Variants in MAN1A2 observed in about 807,000 individuals in gnomAD.
The protein encoded by MAN1A2 is mannosidase alpha class 1A member 2.
In MAN1A2, 26 loss-of-function variants were observed where a neutral mutation model predicts 75.7. The observed-to-expected ratio is 0.34, with a 90% CI of 0.25 to 0.48. The LOEUF is 0.48. Among genes scored for constraint, MAN1A2 ranks in the 20% least tolerant of loss-of-function variants. MAN1A2 has a pLI of 0.99. For missense variants in MAN1A2, 562 were observed against 775.5 expected, an observed-to-expected ratio of 0.72 and a Z score of 3.27; for synonymous variants, 247 against 264.6, an observed-to-expected ratio of 0.93 and a Z score of 0.65.
chr1:117,391,239 T>G (rs1653709018), intron 1 of MAN1A2, among the ~76,000 whole-genome samples: 1 of 152,196 alleles, frequency 6.6e-6, no homozygotes, highest in Non-Finnish European at 1.5e-5. Context: ...TATTGGTACA[T>G]GTTCCGTTTG....
intron 1 of MAN1A2, among the ~76,000 whole-genome samples, chr1:117,372,428 T>C (rs2101714175): frequency 6.6e-6 from 1 of 152,358 alleles, no homozygotes; most frequent in East Asian, 1.9e-4. Flanking sequence ...AAATACATAC[T>C]ATATTTAATT....
intron 10 of MAN1A2, 82 bp from the exon 11 acceptor site, chr1:117,499,300 G>C: frequency 1.0e-6 from 1 of 991,088 alleles, no homozygotes; most frequent in Non-Finnish European, 1.4e-6. Flanking sequence ...TTCATATTCT[G>C]TTCTTTCAGG....
At chr1:117,445,866 GTGTGTGTC>G (rs1160985553) in intron 6 of MAN1A2, among the ~76,000 whole-genome samples, 233 of 119,948 alleles carry the variant, frequency 1.9e-3, no homozygotes, top group Non-Finnish European at 2.3e-3. Context: ...GTGTATGTGT[GTGTGTGTC>G]TGTGTGTGTG....
At chr1:117,428,534 A>G (rs1458917666) in intron 5 of MAN1A2, among the ~76,000 whole-genome samples, 1 of 152,216 alleles carries the variant, frequency 6.6e-6, no homozygotes, top group Non-Finnish European at 1.5e-5. Flanking sequence ...AGTAATATCA[A>G]TAATGCCATT....
chr1:117,383,687 T>G, intron 1 of MAN1A2, among the ~76,000 whole-genome samples: 1 of 152,168 alleles, frequency 6.6e-6, no homozygotes, highest in Admixed American at 6.5e-5. Flanking sequence ...TTCAAGAATT[T>G]GTCCACTTCA....
At chr1:117,482,628 T>C (rs1650537017) in intron 8 of MAN1A2, among the ~76,000 whole-genome samples, 1 of 152,142 alleles carries the variant, frequency 6.6e-6, no homozygotes, top group Non-Finnish European at 1.5e-5. Flanking sequence ...TATTTGTAGA[T>C]TCTGGATATT....
intron 6 of MAN1A2, among the ~76,000 whole-genome samples, chr1:117,448,358 GA>G (rs1373069887): frequency 6.6e-6 from 1 of 152,122 alleles, no homozygotes; most frequent in East Asian, 1.9e-4. Context: ...AGAAGCAGCA[GA>G]AAAATGTAGC....
At chr1:117,371,089 T>C (rs1248908376) in intron 1 of MAN1A2, among the ~76,000 whole-genome samples, 1 of 152,242 alleles carries the variant, frequency 6.6e-6, no homozygotes, top group African/African-American at 2.4e-5. Context: ...GCACTCAACA[T>C]AGTTCCTGGC....
chr1:117,476,131 T>C (rs186367320), intron 8 of MAN1A2, among the ~76,000 whole-genome samples: 44 of 152,342 alleles, frequency 2.9e-4, no homozygotes, highest in Non-Finnish European at 5.3e-4. Flanking sequence ...ATGAGCTTTT[T>C]TTCATATGTT....
intron 12 of MAN1A2, among the ~76,000 whole-genome samples, chr1:117,511,972 G>A (rs542961890): frequency 1.3e-5 from 2 of 151,968 alleles, no homozygotes; most frequent in Non-Finnish European, 2.9e-5. Context: ...GCTGAATAAA[G>A]GATTGAATCA....
At chr1:117,430,262 AC>A (rs1342192463) in intron 5 of MAN1A2, among the ~76,000 whole-genome samples, 1 of 112,594 alleles carries the variant, frequency 8.9e-6, no homozygotes, top group African/African-American at 3.7e-5. Context: ...GGGGGGCTGA[AC>A]CCCCCACCTC....
rs370601876 is a variant in MAN1A2 at position 117,460,583 on chromosome 1, T to C, written c.1045T>C (p.Leu349=). 71 of 1,609,940 alleles carry C rather than the reference T, an allele frequency of 4.4e-5. No individual in the cohort carries two copies. Among genetic ancestry groups the C allele is most frequent in the Non-Finnish European group, 5.0e-5 (59 of 1,178,534 alleles). ...LHMEFIHLSY[L]TGDLTYYKKV... ...TATGGAGTTCATCCACCTCAGCTAC[T>C]TGACAGGGGACCTGACTTACTACAA... The change falls in exon 7 of 13, where the codon TTG becomes CTG. Residue 349 remains leucine, a synonymous_variant. Coordinates refer to ENST00000356554, the MANE Select transcript of MAN1A2 (RefSeq NM_006699.5).
Position 117,520,176 on chromosome 1 carries a change from A to G in MAN1A2, c.1794-2649A>G, listed in dbSNP as rs914222667. 1.1e-4 allele frequency among the ~76,000 whole-genome samples: 16 copies of G among 152,072 alleles called. No homozygotes were observed. In the East Asian group the frequency reaches 1.3e-3, roughly 13 times the overall value. On this transcript the variant is annotated intron_variant, in intron 12 of 12. Coordinates refer to ENST00000356554, the MANE Select transcript of MAN1A2 (RefSeq NM_006699.5). ...ATCGGCATACAAGGGACATACCTCA[A>G]TGTAATAAAACCAACTGTGACAAAC... is the stretch of plus-strand genomic sequence containing the variant.
At chr1:117,459,725 G>A (rs1264096791) in intron 6 of MAN1A2, among the ~76,000 whole-genome samples, 1 of 152,078 alleles carries the variant, frequency 6.6e-6, no homozygotes, top group Non-Finnish European at 1.5e-5. Flanking sequence ...CAAATGAAAT[G>A]TTTATGAGAT....
chr1:117,413,801 A>G (rs1360631081), intron 3 of MAN1A2, among the ~76,000 whole-genome samples: 1 of 151,982 alleles, frequency 6.6e-6, no homozygotes, highest in Admixed American at 6.6e-5. Context: ...ACAAATAATA[A>G]TTGCATTAAT....
At chr1:117,397,938 C>T (rs1433962108) in intron 1 of MAN1A2, among the ~76,000 whole-genome samples, 1 of 152,104 alleles carries the variant, frequency 6.6e-6, no homozygotes, top group Non-Finnish European at 1.5e-5. Context: ...AGGTGTGAGC[C>T]ACCACACCCG....
chr1:117,484,841 C>T (rs1373892702), intron 8 of MAN1A2, among the ~76,000 whole-genome samples: 7 of 151,874 alleles, frequency 4.6e-5, no homozygotes, highest in Non-Finnish European at 1.0e-4. Context: ...CTAGTATCTA[C>T]ACATATGTTA....
chr1:117,442,587 T>C (rs1347767786), intron 6 of MAN1A2, among the ~76,000 whole-genome samples: 1 of 152,216 alleles, frequency 6.6e-6, no homozygotes, highest in Admixed American at 6.5e-5. Flanking sequence ...TCTAGATTTC[T>C]CTTCCTCACC....
In MAN1A2 at chr1:117,526,902, A is replaced by ATATATG. The variant is rs1293100744; in HGVS notation, c.*3950_*3951insGTATAT. On this transcript the variant is annotated 3_prime_UTR_variant, in exon 13 of 13. Coordinates refer to ENST00000356554, the MANE Select transcript of MAN1A2 (RefSeq NM_006699.5). Reference sequence around the variant, plus strand: ...TCTCTATATATATATATATATATATATATATATGAGAGATATATGAGATAT... The same window carrying ATATATG: ...TCTCTATATATATATATATATATATATATATGTATATATGAGAGATATATGAGATAT... 9.1e-5 allele frequency: 13 copies of ATATATG among 143,088 alleles called. No individual in the cohort carries two copies. The highest frequency in any genetic ancestry group is 2.0e-4 in the Non-Finnish European group (13 of 65,658). The allele number at this position is 143,088 out of a possible 1,614,324, so 8.9% of individuals were successfully genotyped here. A position where few individuals can be genotyped will look rare whatever the true frequency, so the allele number is the denominator to read the frequency against.
Sources: gnomAD v4.1 joint callset for allele counts (sites outside exome capture counted in the v4.1 genomes callset) on GRCh38, gnomAD v4.1.1 for gene constraint, MANE v1.5 for transcripts, NCBI Gene and HGNC (gene_info 2026-07-23, HGNC 2026-07-21) for gene names.